DLG2: variants seen among roughly 807,000 people sequenced by gnomAD.
DLG2 encodes the protein discs large MAGUK scaffold protein 2, also known as disks large homolog 2.
In DLG2, 45 loss-of-function variants were observed where a neutral mutation model predicts 132.5. The observed-to-expected ratio is 0.34, with a 90% CI of 0.27 to 0.44. DLG2 has a LOEUF of 0.44. Among genes scored for constraint, DLG2 ranks in the 20% least tolerant of loss-of-function variants. The probability of loss-of-function intolerance (pLI) is 1.00; values close to 1 mark genes in which losing one functional copy is unlikely to be tolerated. For missense variants in DLG2, 1,045 were observed against 1,196.9 expected (o/e 0.87, Z 1.87); for synonymous variants, 424 against 419.6 (o/e 1.01, Z -0.13).
At chr11:85,204,268 T>C (rs1565154119) in intron 4 of DLG2, among the ~76,000 whole-genome samples, 1 of 152,122 alleles carries the variant, frequency 6.6e-6, no homozygotes, top group Non-Finnish European at 1.5e-5. Context: ...GCAGAAGACA[T>C]GATCTTCTTG....
chr11:84,549,862 T>C (rs2099398213), intron 6 of DLG2, among the ~76,000 whole-genome samples: 1 of 152,074 alleles, frequency 6.6e-6, no homozygotes, highest in Non-Finnish European at 1.5e-5. Context: ...CACGAGATTC[T>C]CCCACCTCAG....
chr11:84,129,948 T>C (rs889180901), intron 9 of DLG2, among the ~76,000 whole-genome samples: 2 of 152,086 alleles, frequency 1.3e-5, no homozygotes, highest in African/African-American at 4.8e-5. Flanking sequence ...ATATAAATCC[T>C]ATATTAAATA....
chr11:83,895,615 C>T (rs1490087173), intron 15 of DLG2, among the ~76,000 whole-genome samples: 3 of 152,160 alleles, frequency 2.0e-5, no homozygotes, highest in South Asian at 2.1e-4. Flanking sequence ...CTAGGCAAAA[C>T]TCCAAAGGAA....
intron 6 of DLG2, among the ~76,000 whole-genome samples, chr11:84,991,490 C>G (rs1368888430): frequency 8.7e-6 from 1 of 114,750 alleles, no homozygotes; most frequent in African/African-American, 3.5e-5. Context: ...GCCTGGGCAA[C>G]AGAGTGAGAC....
chr11:83,570,478 C>A (rs1208594020), intron 19 of DLG2, among the ~76,000 whole-genome samples: 1 of 152,144 alleles, frequency 6.6e-6, no homozygotes, highest in Admixed American at 6.6e-5. Context: ...CACATATTCT[C>A]ATCAAAACAC....
chr11:84,525,242 T>C (rs908376224), intron 7 of DLG2, among the ~76,000 whole-genome samples: 4 of 152,166 alleles, frequency 2.6e-5, no homozygotes, highest in African/African-American at 4.8e-5. Flanking sequence ...AAACTGACTG[T>C]TAAACACTTC....
intron 8 of DLG2, among the ~76,000 whole-genome samples, chr11:84,172,541 A>G (rs2095848783): frequency 1.0e-5 from 1 of 96,248 alleles, no homozygotes; most frequent in Non-Finnish European, 2.6e-5. Context: ...TTATTTATTT[A>G]TTTATTTATT....
chr11:85,427,277 G>A (rs1316682666), intron 3 of DLG2, among the ~76,000 whole-genome samples: 5 of 152,008 alleles, frequency 3.3e-5, no homozygotes, highest in Admixed American at 2.0e-4. Flanking sequence ...TACAGAGAAA[G>A]CCACAAAGAT....
chr11:83,807,387 T>TAA (rs1157950559), intron 17 of DLG2, among the ~76,000 whole-genome samples: 3 of 152,144 alleles, frequency 2.0e-5, no homozygotes, highest in Non-Finnish European at 4.4e-5. Context: ...ATTTAGCACA[T>TAA]AGAATTGCTG....
intron 7 of DLG2, among the ~76,000 whole-genome samples, chr11:84,341,085 C>T (rs1252679057): frequency 6.6e-6 from 1 of 152,116 alleles, no homozygotes; most frequent in Non-Finnish European, 1.5e-5. Context: ...TGCTAAGGAT[C>T]GTAAGTGGGG....
At chr11:84,901,670 C>T (rs2090904069) in intron 6 of DLG2, among the ~76,000 whole-genome samples, 1 of 152,012 alleles carries the variant, frequency 6.6e-6, no homozygotes, top group Non-Finnish European at 1.5e-5. Context: ...TGTGTTTTAA[C>T]AGCTTAAAAT....
chr11:83,786,666 T>G, intron 18 of DLG2, 24 bp downstream of exon 18: 2 of 1,554,496 alleles, frequency 1.3e-6, no homozygotes, highest in Non-Finnish European at 1.8e-6. Context: ...TATCAGAACA[T>G]TATTAGTTTG....
At chr11:83,484,983 C>G (rs1309248258) in intron 21 of DLG2, among the ~76,000 whole-genome samples, 1 of 152,064 alleles carries the variant, frequency 6.6e-6, no homozygotes. Context: ...TCCTATACTG[C>G]TATCACAGAG....
intron 3 of DLG2, among the ~76,000 whole-genome samples, chr11:85,441,323 T>A (rs983443673): frequency 6.6e-6 from 1 of 152,178 alleles, no homozygotes; most frequent in Non-Finnish European, 1.5e-5. Context: ...GGTACCATCA[T>A]CCACACTTTC....
intron 17 of DLG2, among the ~76,000 whole-genome samples, chr11:83,812,538 G>A (rs2047583503): frequency 6.6e-6 from 1 of 152,170 alleles, no homozygotes; most frequent in African/African-American, 2.4e-5. Flanking sequence ...AAGCACTTAT[G>A]ATGTTTCTGA....
At chr11:84,047,808 G>T (rs1011013982) in intron 11 of DLG2, among the ~76,000 whole-genome samples, 1 of 151,514 alleles carries the variant, frequency 6.6e-6, no homozygotes, top group Non-Finnish European at 1.5e-5. Flanking sequence ...GACAGGAGTG[G>T]CATCATTCAT....
intron 11 of DLG2, among the ~76,000 whole-genome samples, chr11:84,006,263 G>A (rs764577280): frequency 5.3e-5 from 8 of 151,718 alleles, no homozygotes; most frequent in Non-Finnish European, 1.2e-4. Flanking sequence ...ACATGTGGGA[G>A]CTAAAAAGTT....
At position 83,459,512 on chromosome 11, in the gene DLG2, TCTG is replaced by T. The variant is rs889463590; in HGVS notation, c.*303_*305del. 2.3e-5 allele frequency: 5 copies of T among 214,276 alleles called. No individual in the cohort carries two copies. Among genetic ancestry groups the T allele is most frequent in the African/African-American group, 1.1e-4 (5 of 43,890 alleles). 13.3% of individuals were successfully genotyped at this position (214,276 alleles called of 1,614,324 possible). On this transcript the variant is annotated 3_prime_UTR_variant, in exon 28 of 28. Coordinates refer to ENST00000376104, the MANE Select transcript of DLG2 (RefSeq NM_001142699.3). ...TCTGCAGCTAAATCAGCTCTGGACATCTGCTGGGGTGAGGAGGCTCTCATCTCA... is the reference window on the plus strand; with the variant it reads ...TCTGCAGCTAAATCAGCTCTGGACATCTGGGGTGAGGAGGCTCTCATCTCA...
chr11:83,719,822 T>C (rs1323969978), intron 18 of DLG2, among the ~76,000 whole-genome samples: 1 of 152,036 alleles, frequency 6.6e-6, no homozygotes, highest in Non-Finnish European at 1.5e-5. Flanking sequence ...ATAAAGAATA[T>C]AATACAGGTT....
Sources: allele counts gnomAD v4.1 joint callset (sites outside exome capture counted in the v4.1 genomes callset), GRCh38; gene constraint gnomAD v4.1.1; transcripts MANE v1.5; gene names NCBI Gene and HGNC (gene_info 2026-07-23, HGNC 2026-07-21).